SPACDR: variants seen among roughly 807,000 people sequenced by gnomAD.
The protein encoded by SPACDR is uncharacterized protein C7orf61.
chr7:100,462,413 C>T, the SPACDR span, among the ~76,000 whole-genome samples: 3 of 151,768 alleles, frequency 2.0e-5, no homozygotes, highest in South Asian at 6.3e-4. Context: ...CGGGGTTTCA[C>T]CATGTTAGCC....
chr7:100,461,870 G>A, the SPACDR span, among the ~76,000 whole-genome samples: 1 of 151,210 alleles, frequency 6.6e-6, no homozygotes, highest in Non-Finnish European at 1.5e-5. Context: ...GCGGGTGCCT[G>A]TAGTCCGAGC....
the SPACDR span, among the ~76,000 whole-genome samples, chr7:100,462,215 T>C: frequency 1.3e-5 from 2 of 152,124 alleles, no homozygotes; most frequent in African/African-American, 4.8e-5. Flanking sequence ...TTTTTATTTT[T>C]ATTATTTATT....
At chr7:100,459,180 AT>A in the SPACDR span, among the ~76,000 whole-genome samples, 132 of 135,236 alleles carry the variant, frequency 9.8e-4, no homozygotes, top group Admixed American at 1.0e-3. Flanking sequence ...ATTTTTTTGT[AT>A]TTTTTTTTTT....
chr7:100,464,148 C>A, the SPACDR span: 1 of 1,532,190 alleles, frequency 6.5e-7, no homozygotes, highest in South Asian at 1.2e-5. Flanking sequence ...CTCCTGTGAG[C>A]TTCAAGCACA....
At chr7:100,457,037 A>G in the SPACDR span, 1 of 1,363,272 alleles carries the variant, frequency 7.3e-7, no homozygotes, top group South Asian at 1.3e-5. Context: ...TCTAGGGAGA[A>G]ACTGCCGCTA....
At chr7:100,459,398 G>C in the SPACDR span, among the ~76,000 whole-genome samples, 1 of 151,576 alleles carries the variant, frequency 6.6e-6, no homozygotes, top group Non-Finnish European at 1.5e-5. Context: ...CGCCTCCCAG[G>C]TTCAAGCGAT....
chr7:100,464,107 G>A, the SPACDR span: 1 of 1,522,830 alleles, frequency 6.6e-7, no homozygotes, highest in Non-Finnish European at 8.8e-7. Context: ...GATGGGGTGG[G>A]CTGTGGGCCG....
chr7:100,458,195 GGTGTGTGTGTGTGTGTGTGTGTGTGT>G, the SPACDR span, among the ~76,000 whole-genome samples: 1 of 137,118 alleles, frequency 7.3e-6, no homozygotes, highest in Non-Finnish European at 1.6e-5. Context: ...TGTACTCACT[GGTGTGTGTGTGTGTGTGTGTGTGTGT>G]GTGTGTGTGT....
At chr7:100,463,352 A>G in the SPACDR span, 117 of 1,560,882 alleles carry the variant, frequency 7.5e-5, no homozygotes, top group East Asian at 2.3e-3. Flanking sequence ...GGGTGTTAGG[A>G]TGGTGCTGAC....
the SPACDR span, chr7:100,464,150 T>C: frequency 6.5e-7 from 1 of 1,531,210 alleles, no homozygotes; most frequent in Non-Finnish European, 8.8e-7. Flanking sequence ...CCTGTGAGCT[T>C]CAAGCACAGC....
chr7:100,461,479 T>A, the SPACDR span, among the ~76,000 whole-genome samples: 1 of 152,050 alleles, frequency 6.6e-6, no homozygotes, highest in Non-Finnish European at 1.5e-5. Flanking sequence ...GGTTTCACCA[T>A]GTTGCCCAGG....
At chr7:100,459,734 G>C in the SPACDR span, among the ~76,000 whole-genome samples, 538 of 152,230 alleles carry the variant, frequency 3.5e-3, 4 homozygotes, top group African/African-American at 0.012. Flanking sequence ...AAAGTGCTAG[G>C]ATCACAGGTG....
the SPACDR span, among the ~76,000 whole-genome samples, chr7:100,457,696 C>T: frequency 6.8e-6 from 1 of 146,788 alleles, no homozygotes; most frequent in Non-Finnish European, 1.5e-5. Flanking sequence ...TCTCAGCTCA[C>T]TGCAACCTCC....
the SPACDR span, chr7:100,463,798 T>A: frequency 8.0e-7 from 1 of 1,244,100 alleles, no homozygotes; most frequent in Non-Finnish European, 1.2e-6. Context: ...TCCTGGCCTC[T>A]CTTCCTTCTC....
the SPACDR span, chr7:100,464,257 T>A: frequency 7.1e-7 from 1 of 1,409,254 alleles, no homozygotes; most frequent in Non-Finnish European, 9.3e-7. Flanking sequence ...GGAGTCGAAG[T>A]AGGTGAGAAC....
the SPACDR span, chr7:100,456,848 C>T: frequency 6.2e-7 from 1 of 1,613,330 alleles, no homozygotes; most frequent in Non-Finnish European, 8.5e-7. Context: ...GCCTCTCCTG[C>T]CTGCGGTACA....
chr7:100,461,491 T>C, the SPACDR span, among the ~76,000 whole-genome samples: 5 of 152,062 alleles, frequency 3.3e-5, no homozygotes, highest in African/African-American at 1.2e-4. Context: ...TTGCCCAGGC[T>C]GGTCTCGAAC....
At chr7:100,457,791 TTA>T in the SPACDR span, among the ~76,000 whole-genome samples, 394 of 107,516 alleles carry the variant, frequency 3.7e-3, 18 homozygotes, top group African/African-American at 1.0e-2. Context: ...CGGCTAACTT[TTA>T]TATATATATA....
chr7:100,458,661 C>T, the SPACDR span, among the ~76,000 whole-genome samples: 1 of 152,192 alleles, frequency 6.6e-6, no homozygotes, highest in Non-Finnish European at 1.5e-5. Flanking sequence ...CCCAGTGGCT[C>T]ATGCCTATAA....
Sources: allele counts gnomAD v4.1 joint callset (sites outside exome capture counted in the v4.1 genomes callset), GRCh38; gene constraint gnomAD v4.1.1; transcripts MANE v1.5; gene names NCBI Gene and HGNC (gene_info 2026-07-23, HGNC 2026-07-21).